Variants in LIFR observed in about 807,000 individuals in gnomAD.
LIFR encodes the protein LIF receptor subunit alpha, also known as leukemia inhibitory factor receptor.
LIFR carries 84 observed loss-of-function variants against 122.2 expected under a neutral mutation model. The observed-to-expected ratio is 0.69, with a 90% CI of 0.58 to 0.82. The LOEUF is 0.82. LIFR is among the 40% of genes least tolerant of loss of function. LIFR has a pLI of 0.00. For synonymous variants in LIFR, 422 were observed against 434.7 expected (o/e 0.97, Z 0.36); for missense variants, 1,294 against 1,311.6 (o/e 0.99, Z 0.21).
chr5:38,575,579 T>C (rs1446021516), intron 1 of LIFR, among the ~76,000 whole-genome samples: 2 of 152,170 alleles, frequency 1.3e-5, no homozygotes, highest in Non-Finnish European at 2.9e-5. Flanking sequence ...ATTGTGACAA[T>C]TGTGAAGAAC....
chr5:38,593,468 A>C (rs1580244237), intron 1 of LIFR, among the ~76,000 whole-genome samples: 1 of 152,230 alleles, frequency 6.6e-6, no homozygotes, highest in Non-Finnish European at 1.5e-5. Flanking sequence ...CAATAGCCAC[A>C]TGCAGCTAGT....
Position 38,493,660 on chromosome 5 carries a change from G to A in LIFR, c.2011C>T (p.Leu671Phe). The A allele has an allele frequency of 6.2e-7, 1 of 1,614,144 alleles. No individual in the cohort carries two copies. Among genetic ancestry groups the A allele is most frequent in the Non-Finnish European group, 8.5e-7 (1 of 1,180,032 alleles). ...GAGGGAACTTTTCTCCAGTCCATAAGGCATGGTTCCGACCGAGACGAGTTA... is the reference window on the plus strand; with the variant it reads ...GAGGGAACTTTTCTCCAGTCCATAAAGCATGGTTCCGACCGAGACGAGTTA... ...WCNSSRSEPC[L>F]MDWRKVPSNS... Residue 671 changes from leucine to phenylalanine, a missense_variant, in exon 14 of 20, where the codon CTT (leucine) becomes TTT (phenylalanine). Physicochemically the swap from Leu to Phe is conservative, Grantham distance 22. Transcript: ENST00000453190.
At position 38,505,050 on chromosome 5, in the gene LIFR, C is replaced by A. The variant is rs116127201; in HGVS notation, c.1291+855G>T. On this transcript the variant is annotated intron_variant, in intron 9 of 19. Coordinates refer to ENST00000453190, the MANE Select transcript of LIFR (RefSeq NM_001127671.2). ...GGGAATGAATACCAAAAAGACCAAG[C>A]ACATTTTATTTTTATTTGGAGCTAT... Among the ~76,000 whole-genome samples the A allele has an allele frequency of 5.7e-3, 868 of 152,072 alleles. 8 individuals are homozygous for A. The highest frequency in any genetic ancestry group is 0.02 in the African/African-American group (829 of 41,478).
Position 38,481,362 on chromosome 5 carries a change from C to G in LIFR, c.*233G>C. 1 of 574,196 alleles carries G rather than the reference C, an allele frequency of 1.7e-6. No homozygotes were observed. Among genetic ancestry groups the G allele is most frequent in the Non-Finnish European group, 3.1e-6 (1 of 321,978 alleles). 35.6% of individuals were successfully genotyped at this position (574,196 alleles called of 1,614,324 possible). A position where few individuals can be genotyped will look rare whatever the true frequency, so the allele number is the denominator to read the frequency against. On this transcript the variant is annotated 3_prime_UTR_variant, in exon 20 of 20. Transcript: ENST00000453190. The stretch of plus-strand genomic sequence containing the variant: ...GTACATGAGAATTCTTTGGCTTGAT[C>G]ACAAAGAGCTCCCAATCTTGAGTTT...
intron 1 of LIFR, among the ~76,000 whole-genome samples, chr5:38,566,528 G>A (rs374240445): frequency 2.6e-5 from 4 of 152,162 alleles, no homozygotes; most frequent in East Asian, 3.8e-4. Flanking sequence ...CAAAGGCATT[G>A]AGAAGTTAAT....
intron 2 of LIFR, among the ~76,000 whole-genome samples, chr5:38,605,829 C>T (rs748551147): frequency 5.9e-5 from 9 of 152,100 alleles, no homozygotes; most frequent in Non-Finnish European, 1.3e-4. Flanking sequence ...ACCTGGAATC[C>T]CTCTCCTCGC....
chr5:38,566,032 T>C (rs1017242825), intron 1 of LIFR, among the ~76,000 whole-genome samples: 1 of 152,084 alleles, frequency 6.6e-6, no homozygotes, highest in African/African-American at 2.4e-5. Context: ...TCTCAAAACA[T>C]GGTCAGAATG....
upstream of LIFR, chr5:38,557,359 G>A (rs969734587): frequency 2.6e-5 from 4 of 153,392 alleles, no homozygotes; most frequent in Non-Finnish European, 5.9e-5. Flanking sequence ...GTTTCACTTG[G>A]CCTCGGTTTT....
At chr5:38,489,050 A>G (rs1744433723) in intron 16 of LIFR, 28 bp downstream of exon 16, 8 of 1,596,312 alleles carry the variant, frequency 5.0e-6, no homozygotes, top group Non-Finnish European at 4.3e-6. Flanking sequence ...TCTAAGAAAC[A>G]CTTTCCTTGT....
At chr5:38,591,327 G>C (rs1214062279) in intron 1 of LIFR, among the ~76,000 whole-genome samples, 1 of 152,192 alleles carries the variant, frequency 6.6e-6, no homozygotes, top group Non-Finnish European at 1.5e-5. Context: ...TGCACATTAA[G>C]GGATCCAGAA....
At chr5:38,586,601 G>GGCACCACATAT (rs1324072164) in intron 1 of LIFR, among the ~76,000 whole-genome samples, 6 of 152,010 alleles carry the variant, frequency 3.9e-5, no homozygotes, top group Non-Finnish European at 7.4e-5. Flanking sequence ...CTAACATGTA[G>GGCACCACATAT]ATTCCTATAG....
At chr5:38,594,088 G>A (rs1750018904) in intron 1 of LIFR, among the ~76,000 whole-genome samples, 2 of 152,194 alleles carry the variant, frequency 1.3e-5, no homozygotes, top group South Asian at 4.1e-4. Context: ...TTGGGTTAGA[G>A]CTTGGATTCA....
At position 38,535,088 on chromosome 5, in the gene LIFR, C is replaced by CA. The variant is rs935098172; in HGVS notation, c.-19-4423dup. On this transcript the variant is annotated intron_variant, in intron 1 of 19. Coordinates refer to ENST00000453190, the MANE Select transcript of LIFR (RefSeq NM_001127671.2). Reference sequence around the variant, plus strand: ...TGACTGACCAAAATGAGGTACAAAACAAAAAAGAACAAGAGAGAAAATATA... The same window carrying CA: ...TGACTGACCAAAATGAGGTACAAAACAAAAAAAGAACAAGAGAGAAAATATA... Among the ~76,000 whole-genome samples, 8 of 152,050 alleles carry CA rather than the reference C, an allele frequency of 5.3e-5. No individual in the cohort carries two copies. The South Asian group carries it at 1.7e-3, about 32-fold the overall frequency.
At chr5:38,490,766 A>G (rs1216394634) in intron 14 of LIFR, 1 of 152,256 alleles carries the variant, frequency 6.6e-6, no homozygotes, top group Non-Finnish European at 1.5e-5. Context: ...CACCTGGCTA[A>G]TTTTTGTATT....
chr5:38,485,863 C>T lies in LIFR; in HGVS notation c.2453G>A (p.Gly818Glu). 1.2e-6 allele frequency: 2 copies of T among 1,614,192 alleles called. No homozygotes were observed. The highest frequency in any genetic ancestry group is 1.7e-6 in the Non-Finnish European group (2 of 1,180,026). Reference sequence around the variant, plus strand: ...ATACATACTCTTCTCCGGGCCCACTCCACCATCTGTATAGGCTCGCAAGAC... The same window carrying T: ...ATACATACTCTTCTCCGGGCCCACTTCACCATCTGTATAGGCTCGCAAGAC... ...HLVLRAYTDG[G>E]VGPEKSMYVV... The change falls in exon 17 of 20, where the codon GGA (glycine) becomes GAA (glutamate). Residue 818 changes from glycine (G) to glutamate (E), a missense_variant. Transcript: ENST00000453190.
intron 1 of LIFR, among the ~76,000 whole-genome samples, chr5:38,541,681 T>C (rs73749274): frequency 0.033 from 5,082 of 152,272 alleles, 264 homozygotes; most frequent in African/African-American, 0.11. Flanking sequence ...CATGAAGATA[T>C]AGGAATCATA....
intron 9 of LIFR, among the ~76,000 whole-genome samples, chr5:38,505,356 T>G (rs1414890603): frequency 6.6e-6 from 1 of 151,820 alleles, no homozygotes; most frequent in Non-Finnish European, 1.5e-5. Flanking sequence ...GTATCTTGCA[T>G]GTGGTGGTGG....
chr5:38,514,811 A>T (rs1302012104), intron 5 of LIFR, among the ~76,000 whole-genome samples: 1 of 152,210 alleles, frequency 6.6e-6, no homozygotes, highest in African/African-American at 2.4e-5. Context: ...ACTACTATTT[A>T]CACAACACTT....
chr5:38,487,735 T>C (rs1409052002), intron 16 of LIFR, among the ~76,000 whole-genome samples: 2 of 152,134 alleles, frequency 1.3e-5, no homozygotes, highest in Admixed American at 6.5e-5. Flanking sequence ...AGCGAAACCA[T>C]GGTAAGTGAA....
Sources: allele counts gnomAD v4.1 joint callset (sites outside exome capture counted in the v4.1 genomes callset), GRCh38; gene constraint gnomAD v4.1.1; transcripts MANE v1.5; gene names NCBI Gene and HGNC (gene_info 2026-07-23, HGNC 2026-07-21).